Variants in NAF1 observed in about 807,000 individuals in gnomAD.
The protein encoded by NAF1 is H/ACA ribonucleoprotein complex non-core subunit NAF1.
In NAF1, 11 loss-of-function variants were observed where a neutral mutation model predicts 40.6. The ratio of observed to expected loss-of-function variants is 0.27; its 90% CI spans 0.17 to 0.45. NAF1 has a LOEUF of 0.45. Ranked by LOEUF, NAF1 falls within the 20% of genes least tolerant of loss-of-function variation. The pLI is 1.00. For synonymous variants in NAF1, 260 were observed against 228.5 expected (o/e 1.14, Z -1.24); for missense variants, 607 against 611.1 (o/e 0.99, Z 0.07).
At chr4:163,110,320 T>G in intron 2 of NAF1, 2 of 696,384 alleles carry the variant, frequency 2.9e-6, no homozygotes, top group South Asian at 3.0e-5. Context: ...AATCAGATAT[T>G]TTGAGAGAGA....
chr4:163,128,957 TGGAGGGGGAGGG>T lies in NAF1; in HGVS notation c.1413_1424del (p.Pro473_Pro476del). 1 of 526,152 alleles carries T rather than the reference TGGAGGGGGAGGG, an allele frequency of 1.9e-6. No individual in the cohort carries two copies. Among genetic ancestry groups the T allele is most frequent in the Non-Finnish European group, 3.1e-6 (1 of 325,868 alleles). 32.6% of individuals were successfully genotyped at this position (526,152 alleles called of 1,614,324 possible). ...CAGAAGAGGGTGGAGGAGGCAGTGGTGGAGGGGGAGGGGGTGGGGGTAGGGAGTATGGTAAGT... is the reference window on the plus strand; with the variant it reads ...CAGAAGAGGGTGGAGGAGGCAGTGGTGGTGGGGGTAGGGAGTATGGTAAGT... On this transcript the variant is annotated inframe_deletion, in exon 8 of 8. Transcript: ENST00000274054.
chr4:163,154,732 A>G (rs1476844395), intron 2 of NAF1, among the ~76,000 whole-genome samples: 2 of 152,094 alleles, frequency 1.3e-5, no homozygotes, highest in African/African-American at 2.4e-5. Context: ...TTAGCCAGGC[A>G]TGGTGGCAGG....
chr4:163,152,635 T>C (rs1731758396), intron 2 of NAF1, among the ~76,000 whole-genome samples: 1 of 152,056 alleles, frequency 6.6e-6, no homozygotes, highest in Non-Finnish European at 1.5e-5. Context: ...ATCACCACCA[T>C]ATTTCCAATA....
chr4:163,151,425 T>C (rs1042544118), intron 2 of NAF1, among the ~76,000 whole-genome samples: 1 of 152,018 alleles, frequency 6.6e-6, no homozygotes, highest in Non-Finnish European at 1.5e-5. Flanking sequence ...TGTATAAAAG[T>C]GCAGCAGTGA....
chr4:163,122,703 T>C (rs1730549677), downstream of NAF1, among the ~76,000 whole-genome samples: 1 of 152,186 alleles, frequency 6.6e-6, no homozygotes, highest in Non-Finnish European at 1.5e-5. Flanking sequence ...GAGTAGACCA[T>C]GAGGGCTCCC....
chr4:163,116,748 A>T (rs1329025917), intron 2 of NAF1, among the ~76,000 whole-genome samples: 2 of 152,338 alleles, frequency 1.3e-5, no homozygotes, highest in East Asian at 1.9e-4. Flanking sequence ...TAAAATGTTA[A>T]TGTTTACTAC....
rs1397992445 is a variant in NAF1 at position 163,140,250 on chromosome 4, T to C, written c.851A>G (p.Gln284Arg). 1.2e-6 allele frequency: 2 copies of C among 1,604,778 alleles called. No individual in the cohort carries two copies. The highest frequency in any genetic ancestry group is 1.7e-5 in the Admixed American group (1 of 57,912). ...TTTTAGTTTTTCTGTGAATATATATTGAGTGAAATCTTTCATTGATGGAGC... is the reference window on the plus strand; with the variant it reads ...TTTTAGTTTTTCTGTGAATATATATCGAGTGAAATCTTTCATTGATGGAGC... ...YFAPSMKDFTQYIFTEKLKQD... is the reference protein window; with the variant it reads ...YFAPSMKDFTRYIFTEKLKQD... The change falls in exon 5 of 8, where the codon CAA becomes CGA. Residue 284 changes from glutamine to arginine, a missense_variant. By Grantham distance (43) the Gln-to-Arg change is conservative. Coordinates refer to ENST00000274054, the MANE Select transcript of NAF1 (RefSeq NM_138386.3).
At chr4:163,144,078 T>C (rs975989414) in intron 4 of NAF1, 70 of 923,112 alleles carry the variant, frequency 7.6e-5, no homozygotes, top group Non-Finnish European at 6.9e-5. Context: ...AAGACAGTAA[T>C]ATAATCGTTT....
At chr4:163,131,473 C>G (rs1262962572) in intron 7 of NAF1, among the ~76,000 whole-genome samples, 1 of 152,006 alleles carries the variant, frequency 6.6e-6, no homozygotes, top group Non-Finnish European at 1.5e-5. Flanking sequence ...AAAATTTATA[C>G]TGAAAGGTAA....
At chr4:163,120,915 G>T (rs1046392144) in intron 2 of NAF1, among the ~76,000 whole-genome samples, 5 of 151,900 alleles carry the variant, frequency 3.3e-5, no homozygotes, top group African/African-American at 1.2e-4. Flanking sequence ...TTTTTGAGAC[G>T]GAGTCTCGCT....
chr4:163,164,337 CGAT>C lies in NAF1; in HGVS notation c.417_419del (p.Ser145del). ...GTGATATACAAGAGGAAGAAGACGA[CGAT>C]GAGGAAGATGAAGAGGAAGACGATG... On this transcript the variant is annotated inframe_deletion, in exon 2 of 8. Transcript: ENST00000274054. The C allele has an allele frequency of 6.3e-7, 1 of 1,597,744 alleles. No individual in the cohort carries two copies. Among genetic ancestry groups the C allele is most frequent in the African/African-American group, 1.3e-5 (1 of 74,234 alleles).
rs529899570 is a variant in NAF1 at position 163,153,546 on chromosome 4, T to A, written c.541-5112A>T. On this transcript the variant is annotated intron_variant, in intron 2 of 7. Coordinates refer to ENST00000274054, the MANE Select transcript of NAF1 (RefSeq NM_138386.3). Reference sequence around the variant, plus strand: ...TGTAAACACACCAATCAGCACCCTGTGTTTAGCTCAAGGTTTGTGAATGCA... The same window carrying A: ...TGTAAACACACCAATCAGCACCCTGAGTTTAGCTCAAGGTTTGTGAATGCA... Among the ~76,000 whole-genome samples the A allele has an allele frequency of 7.2e-5, 11 of 152,126 alleles. No individual in the cohort carries two copies. The East Asian group carries it at 1.9e-3, about 27-fold the overall frequency.
chr4:163,120,374 CT>C (rs987369640), intron 2 of NAF1, among the ~76,000 whole-genome samples: 1 of 152,144 alleles, frequency 6.6e-6, no homozygotes, highest in Non-Finnish European at 1.5e-5. Context: ...TATTTTATCC[CT>C]TTGCATCTGC....
chr4:163,135,940 T>C (rs1212951988), intron 6 of NAF1: 1 of 152,234 alleles, frequency 6.6e-6, no homozygotes, highest in Admixed American at 6.5e-5. Flanking sequence ...TAAGTGAATA[T>C]TCAGAGCCTT....
rs1730781979 is a variant in NAF1, at chr4:163,129,314, A to C, written c.1068T>G (p.Asn356Lys). The C allele has an allele frequency of 1.2e-6, 2 of 1,613,206 alleles. No homozygotes were observed. The highest frequency in any genetic ancestry group is 1.7e-6 in the Non-Finnish European group (2 of 1,179,204). ...EDFTEVHQNW[N>K]AHSSASEHAK... is the part of the protein sequence containing the mutation. ...CATGCTCTGAAGCAGAGCTATGAGC[A>C]TTCCAATTCTGATGTACTTCAGTAA... Residue 356 changes from asparagine (N) to lysine (K), a missense_variant, in exon 8 of 8, where the codon AAT becomes AAG. Physicochemically the swap from Asn to Lys is moderately conservative, Grantham distance 94. Coordinates refer to ENST00000274054, the MANE Select transcript of NAF1 (RefSeq NM_138386.3).
chr4:163,133,310 T>C (rs1400254073), intron 6 of NAF1, 54 bp from the exon 7 acceptor site: 3 of 1,365,402 alleles, frequency 2.2e-6, no homozygotes, highest in East Asian at 2.3e-5. Context: ...GCCAATTCAA[T>C]AGTACATACT....
chr4:163,129,886 G>C (rs1488767683), intron 7 of NAF1, among the ~76,000 whole-genome samples: 3 of 152,114 alleles, frequency 2.0e-5, no homozygotes, highest in Admixed American at 1.3e-4. Context: ...TGATAACAAG[G>C]CCATCCTCCA....
At chr4:163,127,478 C>T (rs774293823), downstream of NAF1, among the ~76,000 whole-genome samples, 1 of 152,098 alleles carries the variant, frequency 6.6e-6, no homozygotes, top group Non-Finnish European at 1.5e-5. Context: ...AGCTTGATGA[C>T]TAATAATAAC....
At chr4:163,161,869 C>T (rs971210033) in intron 2 of NAF1, among the ~76,000 whole-genome samples, 4 of 152,066 alleles carry the variant, frequency 2.6e-5, no homozygotes, top group African/African-American at 9.7e-5. Context: ...ACCCAACATC[C>T]CACCCTCCTC....
Sources: gnomAD v4.1 joint callset for allele counts (sites outside exome capture counted in the v4.1 genomes callset) on GRCh38, gnomAD v4.1.1 for gene constraint, MANE v1.5 for transcripts, NCBI Gene and HGNC (gene_info 2026-07-23, HGNC 2026-07-21) for gene names.